The following TMEM51 variants were observed in gnomAD, a reference collection of about 807,000 sequenced individuals.
The protein encoded by TMEM51 is transmembrane protein 51.
TMEM51 carries 8 observed loss-of-function variants against 13.6 expected under a neutral mutation model. The ratio of observed to expected loss-of-function variants is 0.59; its 90% CI spans 0.35 to 1.07. TMEM51 has a LOEUF of 1.07. Among genes scored for constraint, TMEM51 ranks in the 50% least tolerant of loss-of-function variants. The pLI, the probability that TMEM51 is intolerant of heterozygous loss-of-function variation, is 0.02. For synonymous variants in TMEM51, 147 were observed against 144.4 expected, an observed-to-expected ratio of 1.02 and a Z score of -0.13; for missense variants, 279 against 330.7, an observed-to-expected ratio of 0.84 and a Z score of 1.21.
intron 1 of TMEM51, among the ~76,000 whole-genome samples, chr1:15,186,985 G>C (rs1483896840): frequency 6.6e-6 from 1 of 152,156 alleles, no homozygotes; most frequent in African/African-American, 2.4e-5. Flanking sequence ...GAGGTGGCCA[G>C]CATGTGTCCC....
intron 1 of TMEM51, among the ~76,000 whole-genome samples, chr1:15,199,501 G>A (rs1644113495): frequency 6.6e-6 from 1 of 152,138 alleles, no homozygotes; most frequent in Admixed American, 6.5e-5. Context: ...ACGGGTTGGG[G>A]GAATCATAAT....
At chr1:15,177,501 A>G (rs1198727212) in intron 1 of TMEM51, among the ~76,000 whole-genome samples, 1 of 152,176 alleles carries the variant, frequency 6.6e-6, no homozygotes, top group Admixed American at 6.5e-5. Flanking sequence ...TCATTTGACA[A>G]AAGAGGACAC....
At chr1:15,204,578 G>A (rs1185862219) in intron 1 of TMEM51, among the ~76,000 whole-genome samples, 3 of 152,182 alleles carry the variant, frequency 2.0e-5, no homozygotes, top group African/African-American at 7.2e-5. Flanking sequence ...CTGCCTTGGT[G>A]GAAAGGCTGG....
chr1:15,168,715 A>G (rs1347179030), intron 1 of TMEM51: 1 of 1,304,500 alleles, frequency 7.7e-7, no homozygotes, highest in Non-Finnish European at 1.0e-6. Context: ...AGGGTGAGCC[A>G]GTGACTGGGA....
chr1:15,198,713 T>C (rs1375093087), intron 1 of TMEM51, among the ~76,000 whole-genome samples: 2 of 152,146 alleles, frequency 1.3e-5, no homozygotes, highest in East Asian at 1.9e-4. Context: ...CCACCCCACC[T>C]GGCCAACTGG....
intron 1 of TMEM51, among the ~76,000 whole-genome samples, chr1:15,193,563 T>TTTTC (rs869144476): frequency 8.6e-5 from 11 of 127,706 alleles, no homozygotes; most frequent in African/African-American, 3.4e-4. Context: ...TTTCTTTTTC[T>TTTTC]TTTCTTTCTT....
chr1:15,168,149 T>C (rs951966772), intron 1 of TMEM51, among the ~76,000 whole-genome samples: 1 of 152,242 alleles, frequency 6.6e-6, no homozygotes, highest in African/African-American at 2.4e-5. Context: ...TAAAGTATTA[T>C]AGTGGTCAGG....
At chr1:15,171,352 T>G in intron 1 of TMEM51, 1 of 1,279,526 alleles carries the variant, frequency 7.8e-7, no homozygotes, top group South Asian at 1.3e-5. Flanking sequence ...AATTAGTTCT[T>G]ATGCATTCAT....
upstream of TMEM51, chr1:15,152,802 C>T (rs1391866556): frequency 1.3e-5 from 2 of 152,220 alleles, no homozygotes; most frequent in Non-Finnish European, 2.9e-5. Context: ...GCTTCCGCGC[C>T]GACTTCGGGT....
At chr1:15,213,746 C>T (rs1195928127) in intron 2 of TMEM51, among the ~76,000 whole-genome samples, 5 of 152,146 alleles carry the variant, frequency 3.3e-5, no homozygotes, top group Non-Finnish European at 5.9e-5. Context: ...GGCCTGTGTC[C>T]CTTTTAACAA....
At chr1:15,185,261 C>T (rs1336457339) in intron 1 of TMEM51, among the ~76,000 whole-genome samples, 2 of 150,904 alleles carry the variant, frequency 1.3e-5, no homozygotes, top group Non-Finnish European at 3.0e-5. Context: ...AGGTTACTGC[C>T]ACATTGCCCA....
intron 1 of TMEM51, chr1:15,168,915 T>G: frequency 9.6e-7 from 1 of 1,043,178 alleles, no homozygotes; most frequent in Non-Finnish European, 1.2e-6. Flanking sequence ...GCAACTAAGC[T>G]TTCCCATCAC....
At chr1:15,196,039 T>G (rs542424048) in intron 1 of TMEM51, among the ~76,000 whole-genome samples, 6 of 152,324 alleles carry the variant, frequency 3.9e-5, no homozygotes, top group South Asian at 2.1e-4. Flanking sequence ...TGAGTTTTTA[T>G]TCCTGCGACT....
At chr1:15,175,315 G>C (rs1643423177) in intron 1 of TMEM51, among the ~76,000 whole-genome samples, 1 of 152,182 alleles carries the variant, frequency 6.6e-6, no homozygotes, top group African/African-American at 2.4e-5. Flanking sequence ...AAGGAGAATA[G>C]CTTGAACCTG....
chr1:15,170,908 T>C (rs2100835796), intron 1 of TMEM51, among the ~76,000 whole-genome samples: 1 of 152,206 alleles, frequency 6.6e-6, no homozygotes, highest in African/African-American at 2.4e-5. Flanking sequence ...TTTTGTATTT[T>C]TAGTAGAGAC....
intron 2 of TMEM51, among the ~76,000 whole-genome samples, chr1:15,214,647 C>A (rs1184993376): frequency 2.0e-5 from 3 of 152,266 alleles, no homozygotes; most frequent in Non-Finnish European, 4.4e-5. Flanking sequence ...TTCTGGCCTC[C>A]AGCAGGGAAA....
intron 1 of TMEM51, among the ~76,000 whole-genome samples, chr1:15,205,793 T>C (rs1365385747): frequency 1.3e-5 from 2 of 152,214 alleles, no homozygotes; most frequent in Non-Finnish European, 2.9e-5. Context: ...ATGCTTTCTC[T>C]GACGCTGACT....
At chr1:15,154,244 G>A (rs192778310) in intron 1 of TMEM51, among the ~76,000 whole-genome samples, 1 of 152,244 alleles carries the variant, frequency 6.6e-6, no homozygotes, top group African/African-American at 2.4e-5. Context: ...GCGGGAACAG[G>A]TGCTATCCGC....
intron 1 of TMEM51, chr1:15,192,460 C>CAGAAT (rs1643946125): frequency 6.3e-5 from 1 of 15,816 alleles, no homozygotes; most frequent in Admixed American, 1.8e-3. Context: ...CTTTTCTTTT[C>CAGAAT]CTTTTTTTTT....
Sources: allele counts gnomAD v4.1 joint callset (sites outside exome capture counted in the v4.1 genomes callset), GRCh38; gene constraint gnomAD v4.1.1; transcripts MANE v1.5; gene names NCBI Gene and HGNC (gene_info 2026-07-23, HGNC 2026-07-21).